USP9X: variants seen among roughly 807,000 people sequenced by gnomAD.
The protein encoded by USP9X is ubiquitin carboxyl-terminal hydrolase 9X.
A neutral mutation model predicts 190.3 loss-of-function variants in USP9X; 7 were observed. The ratio of observed to expected loss-of-function variants is 0.04; its 90% CI spans 0.02 to 0.07. The LOEUF is 0.07. USP9X is among the 10% of genes least tolerant of loss of function. The pLI is 1.00. For missense variants in USP9X, 1,010 were observed against 1,916.9 expected, an observed-to-expected ratio of 0.53 and a Z score of 8.83; for synonymous variants, 645 against 659.5, an observed-to-expected ratio of 0.98 and a Z score of 0.34.
chrX:41,179,184 G>A (rs1051141487), intron 21 of USP9X, among the ~76,000 whole-genome samples: 1 of 111,615 alleles, frequency 9.0e-6, no homozygotes, highest in Non-Finnish European at 1.9e-5. Context: ...AGATTGATTC[G>A]GCTATTTGGA....
chrX:41,103,840 A>T (rs980622707), intron 1 of USP9X, among the ~76,000 whole-genome samples: 4 of 111,558 alleles, frequency 3.6e-5, no homozygotes, highest in African/African-American at 1.3e-4. Context: ...GCAGTTTTGT[A>T]TTTACTAGGT....
At position 41,153,553 on chromosome X, in the gene USP9X, A is replaced by G. The variant is rs762796269; in HGVS notation, c.1897+472A>G. Among the ~76,000 whole-genome samples the G allele has an allele frequency of 2.7e-5, 3 of 112,565 alleles. No individual in the cohort carries two copies. The East Asian group carries it at 8.3e-4, about 31-fold the overall frequency. ...TGGCTGTAAGAATCTAGATGTTTAC[A>G]TTGGCATTCAAAGTGTGAAATTGTT... is the stretch of plus-strand genomic sequence containing the variant. On this transcript the variant is annotated intron_variant, in intron 14 of 44. Coordinates refer to ENST00000378308, the MANE Select transcript of USP9X (RefSeq NM_001039591.3).
At chrX:41,221,622 A>G (rs1383677882) in intron 38 of USP9X, among the ~76,000 whole-genome samples, 1 of 111,446 alleles carries the variant, frequency 9.0e-6, no homozygotes, top group Non-Finnish European at 1.9e-5. Flanking sequence ...TCTGACTAGA[A>G]TTGATGTAAG....
chrX:41,230,706 C>G, intron 44 of USP9X, 110 bp downstream of exon 44: 2 of 643,386 alleles, frequency 3.1e-6, no homozygotes, highest in Admixed American at 6.9e-5. Flanking sequence ...GTAGGATTAT[C>G]TAGACTAGCT....
intron 31 of USP9X, among the ~76,000 whole-genome samples, chrX:41,204,650 T>C (rs2063074189): frequency 8.9e-6 from 1 of 111,813 alleles, no homozygotes; most frequent in Non-Finnish European, 1.9e-5. Flanking sequence ...GATTATAATG[T>C]CGTATTTTTA....
At chrX:41,143,486 G>C (rs766837510) in intron 10 of USP9X, 43 bp downstream of exon 10, 5 of 1,085,684 alleles carry the variant, frequency 4.6e-6, no homozygotes, top group Non-Finnish European at 6.1e-6. Context: ...TTAAAATAAA[G>C]ATACTAAAAA....
At chrX:41,188,476 T>C (rs147591830) in intron 25 of USP9X, among the ~76,000 whole-genome samples, 160 of 112,459 alleles carry the variant, frequency 1.4e-3, no homozygotes, top group African/African-American at 4.8e-3. Context: ...TAAGTATTTT[T>C]ATTTGATTGT....
rs1555918325 is a variant in USP9X, at chrX:41,125,684, ACT to A, written c.96+1994_96+1995del. ...CACACACACACACACACACACACACACTCTCTCTCTCTCTCTCTCTCTCTCTC... is the reference window on the plus strand; with the variant it reads ...CACACACACACACACACACACACACACTCTCTCTCTCTCTCTCTCTCTCTC... On this transcript the variant is annotated intron_variant, in intron 2 of 44. Coordinates refer to ENST00000378308, the MANE Select transcript of USP9X (RefSeq NM_001039591.3). 5.1e-3 allele frequency among the ~76,000 whole-genome samples: 97 copies of A among 19,013 alleles called. 1 individual carries two copies. The highest frequency in any genetic ancestry group is 0.029 in the Admixed American group (38 of 1,306). The allele number at this position is 19,013 out of a possible 115,157, so 16.5% of individuals were successfully genotyped here.
chrX:41,102,610 G>A (rs190526578), intron 1 of USP9X, among the ~76,000 whole-genome samples: 1 of 111,246 alleles, frequency 9.0e-6, no homozygotes, highest in African/African-American at 3.3e-5. Context: ...GCGACAGAAC[G>A]AGACTGTCTC....
intron 26 of USP9X, among the ~76,000 whole-genome samples, chrX:41,195,046 C>CTTTTTTTTTTTTTTTTTTTTTTTTT (rs931341447): frequency 1.1e-4 from 11 of 104,680 alleles, no homozygotes; most frequent in African/African-American, 2.1e-4. Context: ...TTTTTTCTTT[C>CTTTTTTTTTTTTTTTTTTTTTTTTT]TTTTTTTTGG....
At chrX:41,177,459 G>A (rs1443851730) in intron 21 of USP9X, among the ~76,000 whole-genome samples, 1 of 112,026 alleles carries the variant, frequency 8.9e-6, no homozygotes, top group African/African-American at 3.2e-5. Flanking sequence ...ATTTGACAGA[G>A]TACTACTTGT....
intron 32 of USP9X, among the ~76,000 whole-genome samples, chrX:41,208,622 T>C (rs1025465505): frequency 8.9e-6 from 1 of 112,476 alleles, no homozygotes; most frequent in African/African-American, 3.2e-5. Flanking sequence ...GTTTTACTAA[T>C]TAACATTTTG....
chrX:41,130,473 C>CTTTTTTTT (rs1274142843), intron 3 of USP9X, among the ~76,000 whole-genome samples: 1 of 91,226 alleles, frequency 1.1e-5, no homozygotes, highest in Non-Finnish European at 2.2e-5. Flanking sequence ...TTCTTTTTTT[C>CTTTTTTTT]TTTTTTTTTT....
chrX:41,169,008 T>C (rs1035152051), intron 18 of USP9X, among the ~76,000 whole-genome samples: 1 of 111,870 alleles, frequency 8.9e-6, no homozygotes, highest in Admixed American at 9.5e-5. Flanking sequence ...TAAATAGCAT[T>C]TTGGAGTGAA....
chrX:41,184,332 A>G, intron 22 of USP9X, 65 bp from the exon 23 acceptor site: 1 of 1,124,290 alleles, frequency 8.9e-7, no homozygotes, highest in Non-Finnish European at 1.2e-6. Flanking sequence ...AATAGTACAA[A>G]TAGAAGTTAT....
intron 31 of USP9X, among the ~76,000 whole-genome samples, chrX:41,204,754 C>T (rs2068630404): frequency 1.8e-5 from 2 of 111,868 alleles, no homozygotes; most frequent in Non-Finnish European, 3.8e-5. Context: ...AAGTTTACAA[C>T]CTAGGAGCAA....
chrX:41,195,975 C>T (rs1479994454), intron 26 of USP9X: 1 of 452,122 alleles, frequency 2.2e-6, no homozygotes, highest in Non-Finnish European at 4.0e-6. Context: ...AGGAACATTT[C>T]CAGCCTGTTC....
intron 18 of USP9X, among the ~76,000 whole-genome samples, chrX:41,169,653 A>T (rs1333597282): frequency 2.7e-5 from 3 of 109,719 alleles, no homozygotes; most frequent in Non-Finnish European, 5.7e-5. Context: ...ATGGAGTTTT[A>T]CCATGTTGGC....
chrX:41,216,091 C>G lies in USP9X; in HGVS notation c.5524C>G (p.Pro1842Ala). 6 of 1,211,259 alleles carry G rather than the reference C, an allele frequency of 5.0e-6. No homozygotes were observed. The highest frequency in any genetic ancestry group is 6.7e-6 in the Non-Finnish European group (6 of 895,421). Residue 1842 changes from proline (P) to alanine (A), a missense_variant, in exon 35 of 45, where the codon CCA becomes GCA. By Grantham distance (27) the Pro-to-Ala change is conservative (BLOSUM62 -1). Around this residue, in one of 11 missense-constraint regions of USP9X, gnomAD observed 120 missense variants for 342.7 expected, o/e 0.35. Transcript: ENST00000378308. Reference sequence around the variant, plus strand: ...AAAGCTGGAAGGGGATAATGTAAACCCAGAGAGTCAGTTGATACAACAGAG... The same window carrying G: ...AAAGCTGGAAGGGGATAATGTAAACGCAGAGAGTCAGTTGATACAACAGAG... Reference protein sequence around the residue: ...VAKLEGDNVNPESQLIQQSEQ... With the variant: ...VAKLEGDNVNAESQLIQQSEQ...
Sources: allele counts gnomAD v4.1 joint callset (sites outside exome capture counted in the v4.1 genomes callset), GRCh38; gene constraint gnomAD v4.1.1; regional missense constraint gnomAD v4.1.1; transcripts MANE v1.5; gene names NCBI Gene and HGNC (gene_info 2026-07-23, HGNC 2026-07-21).